Variants in EFCAB11 observed in about 807,000 individuals in gnomAD.
The protein encoded by EFCAB11 is EF-hand calcium binding domain 11.
Under a neutral mutation model 23.0 loss-of-function variants are expected in EFCAB11, and 14 were observed. The observed-to-expected ratio is 0.61, with a 90% CI of 0.40 to 0.95. The LOEUF (loss-of-function observed/expected upper bound fraction) is 0.95, where lower values mean the gene tolerates loss of function less well. Ranked by LOEUF, EFCAB11 falls within the 40% of genes least tolerant of loss-of-function variation. EFCAB11 has a pLI of 0.00. For missense variants in EFCAB11, 198 were observed against 195.8 expected (o/e 1.01, Z -0.07); for synonymous variants, 65 against 66.6 (o/e 0.98, Z 0.11).
chr14:89,823,041 A>C (rs2140104055), intron 5 of EFCAB11, among the ~76,000 whole-genome samples: 1 of 152,328 alleles, frequency 6.6e-6, no homozygotes, highest in East Asian at 1.9e-4. Flanking sequence ...CACATCCTGA[A>C]CATATGAAAG....
chr14:89,924,494 T>G, intron 5 of EFCAB11: 1 of 1,408,674 alleles, frequency 7.1e-7, no homozygotes, highest in Non-Finnish European at 9.2e-7. Context: ...GGTGGGAATG[T>G]ACAAATAGCA....
chr14:89,837,996 G>A (rs1442316706), intron 5 of EFCAB11, among the ~76,000 whole-genome samples: 2 of 152,216 alleles, frequency 1.3e-5, no homozygotes, highest in Non-Finnish European at 2.9e-5. Context: ...CTTCCCTGCA[G>A]TAGGATTCCC....
In EFCAB11 at chr14:89,954,645, C is replaced by T; in HGVS notation, c.16G>A (p.Ala6Thr). Residue 6 changes from alanine (A) to threonine (T), a missense_variant, in exon 1 of 6, where the codon GCC (alanine) becomes ACC (threonine). Physicochemically the swap from Ala to Thr is moderately conservative, Grantham distance 58. Coordinates refer to ENST00000316738, the MANE Select transcript of EFCAB11 (RefSeq NM_145231.4). MFFSE[A>T]RARSRTWEAS... Reference sequence around the variant, plus strand: ...TCCCACGTCCGCGACCTGGCTCTGGCCTCGGAGAAGAACATCGCGACTACA... The same window carrying T: ...TCCCACGTCCGCGACCTGGCTCTGGTCTCGGAGAAGAACATCGCGACTACA... 1 of 1,612,736 alleles carries T rather than the reference C, an allele frequency of 6.2e-7. No homozygotes were observed. The highest frequency in any genetic ancestry group is 8.5e-7 in the Non-Finnish European group (1 of 1,179,846).
chr14:89,880,645 C>T (rs899975557), intron 5 of EFCAB11, among the ~76,000 whole-genome samples: 3 of 151,636 alleles, frequency 2.0e-5, no homozygotes, highest in African/African-American at 7.3e-5. Flanking sequence ...ATACTAATTA[C>T]TTCACAGAAA....
intron 5 of EFCAB11, among the ~76,000 whole-genome samples, chr14:89,899,607 C>T (rs1166285164): frequency 6.6e-6 from 1 of 152,104 alleles, no homozygotes; most frequent in East Asian, 1.9e-4. Flanking sequence ...AATTAGTACC[C>T]AGAATATGTA....
chr14:89,860,491 C>T (rs1342489021), intron 5 of EFCAB11, among the ~76,000 whole-genome samples: 1 of 152,168 alleles, frequency 6.6e-6, no homozygotes, highest in Admixed American at 6.5e-5. Flanking sequence ...TGCTGTCAAT[C>T]TGGGGTGTTT....
intron 5 of EFCAB11, among the ~76,000 whole-genome samples, chr14:89,861,521 A>G (rs2140151005): frequency 6.6e-6 from 1 of 152,316 alleles, no homozygotes; most frequent in East Asian, 1.9e-4. Context: ...GAATTAGTAC[A>G]TGCCCTGCTG....
chr14:89,898,918 C>T (rs1889258453), intron 5 of EFCAB11, among the ~76,000 whole-genome samples: 2 of 152,076 alleles, frequency 1.3e-5, no homozygotes, highest in Admixed American at 1.3e-4. Context: ...AAGCCATCCT[C>T]CCACCTCGGA....
At chr14:89,904,020 C>T (rs1293968025) in intron 5 of EFCAB11, among the ~76,000 whole-genome samples, 1 of 151,998 alleles carries the variant, frequency 6.6e-6, no homozygotes, top group Admixed American at 6.6e-5. Context: ...GGTATATGTG[C>T]ACAACATGCA....
chr14:89,797,176 AGAGTC>A lies in EFCAB11; in HGVS notation c.*62_*66del, dbSNP rs1437831373. 12 of 1,413,756 alleles carry A rather than the reference AGAGTC, an allele frequency of 8.5e-6. No individual in the cohort carries two copies. Among genetic ancestry groups the A allele is most frequent in the African/African-American group, 1.4e-5 (1 of 70,018 alleles). 87.6% of individuals were successfully genotyped at this position (1,413,756 alleles called of 1,614,324 possible). On this transcript the variant is annotated 3_prime_UTR_variant, in exon 6 of 6. Transcript: ENST00000316738. ...AAGTCTGTAGCATGACATCATTAGT[AGAGTC>A]GAGTCTGCTGACATTACAATCTATT... is the stretch of plus-strand genomic sequence containing the variant.
chr14:89,901,363 A>G (rs995577389), intron 5 of EFCAB11, among the ~76,000 whole-genome samples: 2 of 152,244 alleles, frequency 1.3e-5, no homozygotes, highest in African/African-American at 4.8e-5. Context: ...AAAAGATGGT[A>G]CAAAAGATAG....
chr14:89,934,189 G>A (rs1890497645), intron 3 of EFCAB11, among the ~76,000 whole-genome samples: 1 of 152,130 alleles, frequency 6.6e-6, no homozygotes, highest in South Asian at 2.1e-4. Flanking sequence ...TGATCTTTCT[G>A]GCTATTATCC....
At chr14:89,947,994 C>A (rs1003171001) in intron 3 of EFCAB11, among the ~76,000 whole-genome samples, 2 of 148,440 alleles carry the variant, frequency 1.3e-5, no homozygotes, top group African/African-American at 4.9e-5. Context: ...GCCCCCTGCT[C>A]CCACCCCACC....
At chr14:89,879,754 C>A (rs911471126) in intron 5 of EFCAB11, among the ~76,000 whole-genome samples, 1 of 152,034 alleles carries the variant, frequency 6.6e-6, no homozygotes, top group Non-Finnish European at 1.5e-5. Flanking sequence ...AATTTTTAAA[C>A]GAGGGTATGG....
At chr14:89,896,736 G>C (rs1889178157) in intron 5 of EFCAB11, among the ~76,000 whole-genome samples, 1 of 152,172 alleles carries the variant, frequency 6.6e-6, no homozygotes, top group Non-Finnish European at 1.5e-5. Context: ...TGTCACCCAA[G>C]CTGGAGAGCA....
chr14:89,844,797 C>T (rs1281084569), intron 5 of EFCAB11, among the ~76,000 whole-genome samples: 1 of 152,170 alleles, frequency 6.6e-6, no homozygotes, highest in Non-Finnish European at 1.5e-5. Flanking sequence ...TTTGTAATTC[C>T]TTCTGGGACT....
chr14:89,894,576 G>A (rs556901779), intron 5 of EFCAB11, among the ~76,000 whole-genome samples: 1 of 152,230 alleles, frequency 6.6e-6, no homozygotes, highest in African/African-American at 2.4e-5. Context: ...CTACGGCTAT[G>A]ATCAAATTAA....
At chr14:89,923,390 C>T (rs1226079962) in intron 5 of EFCAB11, 1 of 152,338 alleles carries the variant, frequency 6.6e-6, no homozygotes, top group African/African-American at 2.4e-5. Flanking sequence ...TCATACTCCC[C>T]ATCTTATAAG....
chr14:89,891,260 C>T (rs916552349), intron 5 of EFCAB11, among the ~76,000 whole-genome samples: 1 of 152,110 alleles, frequency 6.6e-6, no homozygotes, highest in South Asian at 2.1e-4. Flanking sequence ...TGAGCAAGAA[C>T]CAGCAGAAGC....
Sources: gnomAD v4.1 joint callset for allele counts (sites outside exome capture counted in the v4.1 genomes callset) on GRCh38, gnomAD v4.1.1 for gene constraint, MANE v1.5 for transcripts, NCBI Gene and HGNC (gene_info 2026-07-23, HGNC 2026-07-21) for gene names.